LARGE1: variants seen among roughly 807,000 people sequenced by gnomAD.
LARGE1 encodes xylosyl- and glucuronyltransferase LARGE1.
LARGE1 carries 43 observed loss-of-function variants against 87.6 expected under a neutral mutation model. The ratio of observed to expected loss-of-function variants is 0.49; its 90% CI spans 0.38 to 0.63. The LOEUF is 0.63. Among genes scored for constraint, LARGE1 ranks in the 30% least tolerant of loss-of-function variants. The pLI, the probability that LARGE1 is intolerant of heterozygous loss-of-function variation, is 0.00. For synonymous variants in LARGE1, 434 were observed against 394.6 expected (o/e 1.10, Z -1.18); for missense variants, 802 against 1,000.2 (o/e 0.80, Z 2.67).
At chr22:33,168,678 A>C (rs1273223830) in intron 11 of LARGE1, among the ~76,000 whole-genome samples, 1 of 152,254 alleles carries the variant, frequency 6.6e-6, no homozygotes, top group Non-Finnish European at 1.5e-5. Context: ...TTTCATACAA[A>C]GCAAACTATT....
intron 11 of LARGE1, among the ~76,000 whole-genome samples, chr22:33,258,990 G>C (rs1927468556): frequency 6.6e-6 from 1 of 151,606 alleles, no homozygotes; most frequent in East Asian, 2.0e-4. Context: ...CAATTCTCCT[G>C]CCTCAGCCTC....
chr22:33,760,024 A>G (rs2084665573), intron 2 of LARGE1, among the ~76,000 whole-genome samples: 1 of 152,210 alleles, frequency 6.6e-6, no homozygotes, highest in South Asian at 2.1e-4. Flanking sequence ...GTTTATATTC[A>G]GTCTAGCTAA....
intron 7 of LARGE1, among the ~76,000 whole-genome samples, chr22:33,405,149 C>G (rs1032439090): frequency 6.6e-6 from 1 of 152,232 alleles, no homozygotes; most frequent in Middle Eastern, 3.2e-3. Context: ...TAGATCCCTA[C>G]AAGGACATTG....
downstream of LARGE1, among the ~76,000 whole-genome samples, chr22:33,269,591 G>A (rs1474026778): frequency 2.0e-5 from 3 of 152,200 alleles, no homozygotes; most frequent in Non-Finnish European, 4.4e-5. Context: ...AGTGAGCCCT[G>A]TCAATCATTT....
chr22:33,669,646 A>G (rs1447497613), intron 2 of LARGE1, among the ~76,000 whole-genome samples: 1 of 152,206 alleles, frequency 6.6e-6, no homozygotes, highest in African/African-American at 2.4e-5. Context: ...GCTGTGGGAT[A>G]AAGCCCAAGA....
intron 5 of LARGE1, among the ~76,000 whole-genome samples, chr22:33,569,753 A>C (rs1004837016): frequency 1.3e-5 from 2 of 152,132 alleles, no homozygotes; most frequent in Non-Finnish European, 2.9e-5. Context: ...CTCCCAAAGC[A>C]AGAAGCAAGC....
At chr22:33,511,243 T>C (rs2071041316) in intron 6 of LARGE1, among the ~76,000 whole-genome samples, 1 of 152,206 alleles carries the variant, frequency 6.6e-6, no homozygotes, top group South Asian at 2.1e-4. Flanking sequence ...GTTGTACCTG[T>C]GTGTGTACTG....
chr22:33,882,911 G>T (rs552492493), intron 1 of LARGE1, among the ~76,000 whole-genome samples: 1 of 152,028 alleles, frequency 6.6e-6, no homozygotes, highest in Non-Finnish European at 1.5e-5. Context: ...TTTTCCTCAC[G>T]TGCGTCTACA....
chr22:33,615,196 G>C (rs943361472), intron 4 of LARGE1, among the ~76,000 whole-genome samples: 5 of 151,992 alleles, frequency 3.3e-5, no homozygotes, highest in South Asian at 4.2e-4. Context: ...CTTATACCTA[G>C]ATTTTTTTTT....
intron 3 of LARGE1, among the ~76,000 whole-genome samples, chr22:33,635,835 C>A (rs1477634807): frequency 6.6e-6 from 1 of 152,238 alleles, no homozygotes; most frequent in Admixed American, 6.5e-5. Flanking sequence ...TCATCTAAAT[C>A]TGTCCACTCT....
At chr22:33,612,951 A>G (rs1481255465) in intron 4 of LARGE1, among the ~76,000 whole-genome samples, 1 of 152,246 alleles carries the variant, frequency 6.6e-6, no homozygotes, top group Non-Finnish European at 1.5e-5. Context: ...GGTCTATTTA[A>G]AGCTTCTGTC....
At chr22:33,321,394 C>T (rs1936698658) in intron 10 of LARGE1, among the ~76,000 whole-genome samples, 2 of 152,160 alleles carry the variant, frequency 1.3e-5, no homozygotes, top group African/African-American at 4.8e-5. Context: ...CTGGCTTTCC[C>T]CTTGAGGGCC....
chr22:33,125,064 ACT>A, the LARGE1 span, among the ~76,000 whole-genome samples: 1 of 152,110 alleles, frequency 6.6e-6, no homozygotes, highest in Non-Finnish European at 1.5e-5. Flanking sequence ...ATGGGTGATA[ACT>A]CTCTGGGTAT....
At chr22:33,718,846 A>G (rs939560198) in intron 2 of LARGE1, among the ~76,000 whole-genome samples, 1 of 152,190 alleles carries the variant, frequency 6.6e-6, no homozygotes, top group Admixed American at 6.5e-5. Flanking sequence ...GCTGGAGTGC[A>G]GTGGCATGAT....
At chr22:33,089,304 C>CT in the LARGE1 span, among the ~76,000 whole-genome samples, 1 of 133,914 alleles carries the variant, frequency 7.5e-6, no homozygotes, top group Non-Finnish European at 1.7e-5. Flanking sequence ...TCTTCTTCCT[C>CT]TTCTTCTTCT....
At chr22:33,556,253 T>A (rs550882591) in intron 6 of LARGE1, among the ~76,000 whole-genome samples, 105 of 152,180 alleles carry the variant, frequency 6.9e-4, no homozygotes, top group African/African-American at 2.4e-3. Flanking sequence ...CAGCCTGGCT[T>A]CAGCCCAGGT....
the LARGE1 span, among the ~76,000 whole-genome samples, chr22:33,120,402 C>CTT: frequency 8.6e-5 from 8 of 92,624 alleles, no homozygotes; most frequent in African/African-American, 4.1e-4. Context: ...TTCTTTCTTT[C>CTT]TTTCTTTCCT....
intron 6 of LARGE1, among the ~76,000 whole-genome samples, chr22:33,452,480 A>C (rs1408067878): frequency 6.6e-6 from 1 of 152,158 alleles, no homozygotes; most frequent in Non-Finnish European, 1.5e-5. Flanking sequence ...GGCCTGGTAC[A>C]CCTGTCTCAG....
intron 2 of LARGE1, among the ~76,000 whole-genome samples, chr22:33,701,725 C>T: frequency 6.6e-6 from 1 of 152,224 alleles, no homozygotes; most frequent in East Asian, 1.9e-4. Context: ...CCAACTGCCA[C>T]AGGGGCAGGG....
Sources: allele counts gnomAD v4.1 joint callset (sites outside exome capture counted in the v4.1 genomes callset), GRCh38; gene constraint gnomAD v4.1.1; transcripts MANE v1.5; gene names NCBI Gene and HGNC (gene_info 2026-07-23, HGNC 2026-07-21).